The following ZBTB45 variants were observed in gnomAD, a reference collection of about 807,000 sequenced individuals.
The protein encoded by ZBTB45 is zinc finger and BTB domain-containing protein 45.
Under a neutral mutation model 28.4 loss-of-function variants are expected in ZBTB45, and 22 were observed. That is an observed-to-expected ratio of 0.77 (90% CI 0.55 to 1.10). The LOEUF is 1.10. Among genes scored for constraint, ZBTB45 ranks in the 50% least tolerant of loss-of-function variants. The pLI, the probability that ZBTB45 is intolerant of heterozygous loss-of-function variation, is 0.00. For synonymous variants in ZBTB45, 361 were observed against 332.3 expected, an observed-to-expected ratio of 1.09 and a Z score of -0.94; for missense variants, 656 against 750.2, an observed-to-expected ratio of 0.87 and a Z score of 1.47.
chr19:58,526,517 T>TTAC (rs1407595458), intron 1 of ZBTB45, among the ~76,000 whole-genome samples: 1 of 62,546 alleles, frequency 1.6e-5, no homozygotes, highest in Non-Finnish European at 3.9e-5. Flanking sequence ...GCTGTTATTA[T>TTAC]TATTATTATT....
intron 1 of ZBTB45, among the ~76,000 whole-genome samples, chr19:58,530,716 C>T (rs1376020532): frequency 1.3e-5 from 2 of 150,642 alleles, no homozygotes; most frequent in African/African-American, 4.9e-5. Context: ...CAGAGTCTCG[C>T]TCTGTCGCGC....
At chr19:58,523,119 C>T (rs1158769054), upstream of ZBTB45, among the ~76,000 whole-genome samples, 1 of 152,082 alleles carries the variant, frequency 6.6e-6, no homozygotes, top group Non-Finnish European at 1.5e-5. Context: ...GTGGAAGACC[C>T]TGCCCAAGGG....
At chr19:58,521,494 C>A (rs921566885), upstream of ZBTB45, among the ~76,000 whole-genome samples, 3 of 152,058 alleles carry the variant, frequency 2.0e-5, no homozygotes, top group African/African-American at 7.2e-5. Flanking sequence ...CTCCAGATAG[C>A]AGCTTAGTCC....
intron 1 of ZBTB45, among the ~76,000 whole-genome samples, chr19:58,525,058 A>T (rs758741925): frequency 1.1e-4 from 16 of 152,086 alleles, no homozygotes; most frequent in Non-Finnish European, 2.1e-4. Flanking sequence ...GGCCCCTCTG[A>T]CAGCATGGGT....
intron 1 of ZBTB45, among the ~76,000 whole-genome samples, chr19:58,527,590 G>A (rs1027292305): frequency 2.6e-5 from 4 of 152,158 alleles, no homozygotes; most frequent in South Asian, 2.1e-4. Flanking sequence ...CTGGTCAGAT[G>A]GTTCAGTGTT....
intron 1 of ZBTB45, among the ~76,000 whole-genome samples, chr19:58,527,430 C>T (rs2053613695): frequency 6.6e-6 from 1 of 152,214 alleles, no homozygotes; most frequent in African/African-American, 2.4e-5. Flanking sequence ...TGAGCGTCCC[C>T]ACCCCTGTCC....
At chr19:58,524,467 G>A (rs1473149285), upstream of ZBTB45, among the ~76,000 whole-genome samples, 1 of 150,326 alleles carries the variant, frequency 6.7e-6, no homozygotes, top group Admixed American at 6.6e-5. Flanking sequence ...GTGTGTGTGT[G>A]TGTGTGTATG....
At chr19:58,526,335 G>A (rs1185461975) in intron 1 of ZBTB45, among the ~76,000 whole-genome samples, 4 of 150,928 alleles carry the variant, frequency 2.7e-5, no homozygotes, top group Non-Finnish European at 4.4e-5. Flanking sequence ...TCAGCCTCCT[G>A]AGTAGCTGGG....
At chr19:58,530,377 G>A (rs536081458) in intron 1 of ZBTB45, among the ~76,000 whole-genome samples, 1 of 151,812 alleles carries the variant, frequency 6.6e-6, no homozygotes, top group Non-Finnish European at 1.5e-5. Context: ...GCATGATCTC[G>A]GCTCACCACA....
Position 58,513,847 on chromosome 19 carries a change from C to T in ZBTB45, c.*207G>A, listed in dbSNP as rs908729746. ...GGTCTAACCAGCCCCAGCCCCAGCC[C>T]GGCACCACCTGGAGGGTTCAAGTAC... On this transcript the variant is annotated 3_prime_UTR_variant, in exon 3 of 3. Coordinates refer to ENST00000594051, the MANE Select transcript of ZBTB45 (RefSeq NM_001316979.2). The T allele has an allele frequency of 8.6e-6, 5 of 579,310 alleles. No individual in the cohort carries two copies. The highest frequency in any genetic ancestry group is 5.9e-5 in the African/African-American group (3 of 50,964). The allele number at this position is 579,310 out of a possible 1,614,324, so 35.9% of individuals were successfully genotyped here.
chr19:58,523,310 C>T (rs572812167), upstream of ZBTB45, among the ~76,000 whole-genome samples: 42 of 152,060 alleles, frequency 2.8e-4, 2 homozygotes, highest in South Asian at 8.7e-3. Context: ...CCTTGGGAGG[C>T]TTAGGCAGGT....
rs1423383075 is a variant in ZBTB45, at chr19:58,515,063, A to G, written c.1280-753T>C. Among the ~76,000 whole-genome samples the G allele has an allele frequency of 6.6e-6, 1 of 152,050 alleles. No individual in the cohort carries two copies. Among genetic ancestry groups the G allele is most frequent in the African/African-American group, 2.4e-5 (1 of 41,396 alleles). ...GTCTCAGCCAGGCGTGGTGGCTCAC[A>G]CCTGTAATCCCAGCACTTTGGGAGG... On this transcript the variant is annotated intron_variant, in intron 2 of 2. Coordinates refer to ENST00000594051, the MANE Select transcript of ZBTB45 (RefSeq NM_001316979.2). The surrounding 1 kb of genome is among the most constrained non-coding windows in gnomAD (Gnocchi z 4.7).
At chr19:58,526,532 T>TA (rs1568649915) in intron 1 of ZBTB45, among the ~76,000 whole-genome samples, 1 of 112,046 alleles carries the variant, frequency 8.9e-6, no homozygotes, top group Non-Finnish European at 1.9e-5. Flanking sequence ...ATTATTTTTT[T>TA]TTTTTTTTTT....
Position 58,516,915 on chromosome 19 carries a change from G to A in ZBTB45, c.759C>T (p.Cys253=), listed in dbSNP as rs192736572. The A allele has an allele frequency of 1.3e-5, 21 of 1,613,278 alleles. No homozygotes were observed. In the Admixed American group the frequency reaches 2.2e-4, roughly 17 times the overall value. ...GFLTAAADSA[C]EEPPAPTGLA... is the part of the protein sequence containing the mutation. ...GGCCAGTGGGTGCAGGGGGCTCCTC[G>A]CACGCGCTGTCAGCAGCAGCAGTGA... Residue 253 remains cysteine (C), a synonymous_variant, in exon 2 of 3, where the codon TGC becomes TGT. Coordinates refer to ENST00000594051, the MANE Select transcript of ZBTB45 (RefSeq NM_001316979.2). This position sits in a 1 kb window ranked among gnomAD's most constrained non-coding sequence, Gnocchi z 6.2.
intron 2 of ZBTB45, 58 bp from the exon 3 acceptor site, chr19:58,514,368 A>G: frequency 7.4e-7 from 1 of 1,353,118 alleles, no homozygotes; most frequent in Non-Finnish European, 9.6e-7. Flanking sequence ...CCCCGCCCCC[A>G]CCCCACCCCA....
At chr19:58,537,313 C>A (rs560491409) in intron 1 of ZBTB45, among the ~76,000 whole-genome samples, 17 of 152,104 alleles carry the variant, frequency 1.1e-4, no homozygotes, top group Non-Finnish European at 2.1e-4. Context: ...TTGGGTAACA[C>A]CTGCTGCTTG....
At position 58,516,307 on chromosome 19, in the gene ZBTB45, C is replaced by T. The variant is rs1364316738; in HGVS notation, c.1279+88G>A. ...GCTAACCAAAAGTAACAGAACAGTG[C>T]CAGTGCCCTGTAACTAGTGCTCAAT... is the stretch of plus-strand genomic sequence containing the variant. On this transcript the variant is annotated intron_variant, in intron 2 of 2. Transcript: ENST00000594051. The surrounding 1 kb of genome is among the most constrained non-coding windows in gnomAD (Gnocchi z 6.2). 4.0e-6 allele frequency: 6 copies of T among 1,510,208 alleles called. No homozygotes were observed. The East Asian group carries it at 9.3e-5, about 23-fold the overall frequency. The allele number at this position is 1,510,208 out of a possible 1,614,324, so 93.6% of individuals were successfully genotyped here. A position where few individuals can be genotyped will look rare whatever the true frequency, so the allele number is the denominator to read the frequency against.
At chr19:58,528,682 C>A (rs2053620460) in intron 1 of ZBTB45, among the ~76,000 whole-genome samples, 1 of 152,112 alleles carries the variant, frequency 6.6e-6, no homozygotes, top group Non-Finnish European at 1.5e-5. Context: ...ATCACGAGGT[C>A]AGGAGATCGA....
chr19:58,536,588 A>G (rs1260300529), intron 1 of ZBTB45, among the ~76,000 whole-genome samples: 3 of 152,084 alleles, frequency 2.0e-5, no homozygotes, highest in African/African-American at 2.4e-5. Flanking sequence ...GGTTGTAGTG[A>G]GCCAAGATTG....
Sources: allele counts gnomAD v4.1 joint callset (sites outside exome capture counted in the v4.1 genomes callset), GRCh38; gene constraint gnomAD v4.1.1; non-coding constraint Gnocchi (gnomAD v3.1); transcripts MANE v1.5; gene names NCBI Gene and HGNC (gene_info 2026-07-23, HGNC 2026-07-21).